Variants in RIN2 observed in about 807,000 individuals in gnomAD.
The protein encoded by RIN2 is Ras and Rab interactor 2.
RIN2 carries 36 observed loss-of-function variants against 78.0 expected under a neutral mutation model. The observed-to-expected ratio is 0.46, with a 90% CI of 0.35 to 0.61. RIN2 has a LOEUF of 0.61. Among genes scored for constraint, RIN2 ranks in the 20% least tolerant of loss-of-function variants. The probability of loss-of-function intolerance (pLI) is 0.00; values close to 1 mark genes in which losing one functional copy is unlikely to be tolerated. For synonymous variants in RIN2, 466 were observed against 466.8 expected (o/e 1.00, Z 0.02); for missense variants, 1,087 against 1,159.7 (o/e 0.94, Z 0.91).
At chr20:19,943,733 A>C (rs1437952450) in intron 4 of RIN2, among the ~76,000 whole-genome samples, 2 of 152,036 alleles carry the variant, frequency 1.3e-5, no homozygotes, top group African/African-American at 4.8e-5. Context: ...AGCCCTTAAA[A>C]CTTGGCTAAA....
intron 3 of RIN2, among the ~76,000 whole-genome samples, chr20:19,917,469 G>A (rs1051604104): frequency 2.0e-5 from 3 of 152,076 alleles, no homozygotes; most frequent in African/African-American, 7.2e-5. Context: ...TATTTTTACT[G>A]TGAAATTTAA....
At chr20:19,791,662 A>G (rs866584597) in intron 1 of RIN2, among the ~76,000 whole-genome samples, 70 of 152,378 alleles carry the variant, frequency 4.6e-4, no homozygotes, top group African/African-American at 1.6e-3. Context: ...AATGAAAAAT[A>G]TAACAAATAT....
At chr20:19,907,420 T>TG (rs2039267561) in intron 3 of RIN2, among the ~76,000 whole-genome samples, 1 of 152,184 alleles carries the variant, frequency 6.6e-6, no homozygotes, top group South Asian at 2.1e-4. Context: ...CCCTGGCCTG[T>TG]GTACCAGACA....
intron 2 of RIN2, chr20:19,886,769 T>C: frequency 6.5e-7 from 1 of 1,538,580 alleles, no homozygotes; most frequent in Non-Finnish European, 8.8e-7. Flanking sequence ...TTTCACAGCC[T>C]CTCAAACTAC....
rs1039550219 is a variant in RIN2 at position 19,965,928 on chromosome 20, A to C, written c.536+904A>C. ...CGCCCCGCCCAGAATCAGAATATTA[A>C]CCAGAGTCAACAGGGTGTGCATTGT... On this transcript the variant is annotated intron_variant, in intron 7 of 12. Transcript: ENST00000255006. Among the ~76,000 whole-genome samples the C allele has an allele frequency of 7.2e-5, 11 of 152,180 alleles. No individual in the cohort carries two copies. In the South Asian group the frequency reaches 1.7e-3, roughly 23 times the overall value.
intron 2 of RIN2, among the ~76,000 whole-genome samples, chr20:19,885,596 G>A (rs1386231461): frequency 6.6e-6 from 1 of 152,028 alleles, no homozygotes; most frequent in East Asian, 1.9e-4. Context: ...AACCCTGGAG[G>A]CGGAAGCTAA....
chr20:19,780,097 A>G (rs1600434934), intron 1 of RIN2, among the ~76,000 whole-genome samples: 1 of 152,228 alleles, frequency 6.6e-6, no homozygotes, highest in African/African-American at 2.4e-5. Flanking sequence ...CAAAACACCA[A>G]TGCCTCATTG....
intron 2 of RIN2, among the ~76,000 whole-genome samples, chr20:19,862,896 T>C (rs2037389524): frequency 6.6e-6 from 1 of 152,176 alleles, no homozygotes; most frequent in Non-Finnish European, 1.5e-5. Flanking sequence ...TGTCTTTGGA[T>C]TGGTTTGTAA....
At chr20:19,995,365 A>G (rs1348618619) in intron 11 of RIN2, among the ~76,000 whole-genome samples, 1 of 152,014 alleles carries the variant, frequency 6.6e-6, no homozygotes, top group Non-Finnish European at 1.5e-5. Flanking sequence ...TGTGGCTCAC[A>G]GTAGAGATTC....
intron 3 of RIN2, among the ~76,000 whole-genome samples, chr20:19,919,036 T>C (rs2039801347): frequency 1.3e-5 from 2 of 152,212 alleles, no homozygotes; most frequent in African/African-American, 4.8e-5. Flanking sequence ...CAGTGAATTG[T>C]TGCTCTCACT....
At chr20:19,873,318 G>A (rs2037748670) in intron 2 of RIN2, among the ~76,000 whole-genome samples, 1 of 151,780 alleles carries the variant, frequency 6.6e-6, no homozygotes, top group Non-Finnish European at 1.5e-5. Flanking sequence ...GTAGAGTTGG[G>A]GTCTCACTAT....
intron 4 of RIN2, among the ~76,000 whole-genome samples, chr20:19,947,550 GT>G (rs565056233): frequency 1.2e-4 from 19 of 152,268 alleles, no homozygotes; most frequent in African/African-American, 4.6e-4. Flanking sequence ...TTTTGTTGTT[GT>G]TTTTGTTTAT....
intron 2 of RIN2, among the ~76,000 whole-genome samples, chr20:19,819,598 C>T (rs1425943513): frequency 1.3e-5 from 2 of 152,210 alleles, no homozygotes; most frequent in African/African-American, 4.8e-5. Flanking sequence ...TGCAGTGGCA[C>T]AATCACGGCT....
chr20:19,781,472 C>A (rs1402590413), intron 1 of RIN2, among the ~76,000 whole-genome samples: 3 of 152,114 alleles, frequency 2.0e-5, no homozygotes, highest in Non-Finnish European at 4.4e-5. Context: ...ATCTGCGTAC[C>A]CTTTACCAAG....
At chr20:19,931,037 C>A (rs2040419605) in intron 3 of RIN2, among the ~76,000 whole-genome samples, 1 of 151,860 alleles carries the variant, frequency 6.6e-6, no homozygotes, top group Non-Finnish European at 1.5e-5. Flanking sequence ...TTGCTTGAGG[C>A]CAGGAGTTCA....
intron 3 of RIN2, among the ~76,000 whole-genome samples, chr20:19,906,885 T>C (rs1247962435): frequency 2.0e-5 from 3 of 152,164 alleles, no homozygotes; most frequent in Non-Finnish European, 4.4e-5. Context: ...GACATACACA[T>C]TGGAGTGACT....
At chr20:19,794,532 C>CAAAAA (rs10530809) in intron 1 of RIN2, among the ~76,000 whole-genome samples, 4 of 88,570 alleles carry the variant, frequency 4.5e-5, no homozygotes, top group Admixed American at 1.3e-4. Context: ...ACCCTGTATC[C>CAAAAA]AAAAAAAAAA....
At chr20:19,908,541 G>T (rs1024258416) in intron 3 of RIN2, among the ~76,000 whole-genome samples, 2 of 152,004 alleles carry the variant, frequency 1.3e-5, no homozygotes, top group African/African-American at 4.8e-5. Flanking sequence ...AAGGGGGTGG[G>T]GAGATAATCC....
intron 7 of RIN2, 37 bp from the exon 8 acceptor site, chr20:19,970,801 G>A: frequency 6.8e-7 from 1 of 1,462,644 alleles, no homozygotes; most frequent in Non-Finnish European, 9.5e-7. Context: ...AAGCAGACAT[G>A]TAATTACAAA....
Sources: allele counts gnomAD v4.1 joint callset (sites outside exome capture counted in the v4.1 genomes callset), GRCh38; gene constraint gnomAD v4.1.1; transcripts MANE v1.5; gene names NCBI Gene and HGNC (gene_info 2026-07-23, HGNC 2026-07-21).